TNC: variants seen among roughly 807,000 people sequenced by gnomAD.
TNC encodes the protein tenascin C, also known as tenascin.
In TNC, 109 loss-of-function variants were observed where a neutral mutation model predicts 202.4. The observed-to-expected ratio is 0.54, with a 90% CI of 0.46 to 0.63. The LOEUF (loss-of-function observed/expected upper bound fraction) is 0.63, where lower values mean the gene tolerates loss of function less well. Among genes scored for constraint, TNC ranks in the 30% least tolerant of loss-of-function variants. The pLI is 0.00. For synonymous variants in TNC, 1,007 were observed against 1,089.7 expected (o/e 0.92, Z 1.50); for missense variants, 2,756 against 2,833.3 (o/e 0.97, Z 0.62).
intron 1 of TNC, among the ~76,000 whole-genome samples, chr9:115,106,011 A>T (rs756744965): frequency 1.1e-4 from 16 of 152,150 alleles, no homozygotes; most frequent in Non-Finnish European, 2.4e-4. Flanking sequence ...GATAGAGAAC[A>T]AATCCTAGAC....
At chr9:115,024,325 G>A (rs561289450) in intron 26 of TNC, among the ~76,000 whole-genome samples, 189 bp from the exon 27 acceptor site, 4 of 152,146 alleles carry the variant, frequency 2.6e-5, no homozygotes, top group East Asian at 1.9e-4. Context: ...ACTTATTTCC[G>A]ACAGAAGCAG....
chr9:115,075,952 A>G (rs1407917254), intron 9 of TNC, 80 bp downstream of exon 9: 2 of 1,257,830 alleles, frequency 1.6e-6, no homozygotes, highest in East Asian at 2.3e-5. Context: ...TTTTCTCTTT[A>G]AATAGGTTTT....
In TNC at chr9:115,042,358, A is replaced by G. The variant is rs770847855; in HGVS notation, c.5126-17T>C. 22 of 1,613,260 alleles carry G rather than the reference A, an allele frequency of 1.4e-5. No homozygotes were observed. The highest frequency in any genetic ancestry group is 1.8e-5 in the Non-Finnish European group (21 of 1,179,716). On this transcript the variant is annotated splice_polypyrimidine_tract_variant and intron_variant, in intron 17 of 27. Coordinates refer to ENST00000350763, the MANE Select transcript of TNC (RefSeq NM_002160.4). The stretch of plus-strand genomic sequence containing the variant: ...AGCCCATGGCTGTCAAGAAGAAAGC[A>G]CAAGAGAAGCCCAGAAACAGTTAAC...
At chr9:115,103,022 T>G (rs1237384264) in intron 1 of TNC, among the ~76,000 whole-genome samples, 1 of 152,240 alleles carries the variant, frequency 6.6e-6, no homozygotes, top group Non-Finnish European at 1.5e-5. Flanking sequence ...TATCAAGGAA[T>G]TTGTCACAGC....
intron 15 of TNC, chr9:115,053,007 G>A (rs1414364162): frequency 1.4e-6 from 1 of 698,740 alleles, no homozygotes; most frequent in African/African-American, 1.7e-5. Flanking sequence ...CCCAACTGTG[G>A]CTTTGGTTCT....
intron 14 of TNC, among the ~76,000 whole-genome samples, chr9:115,057,848 C>T (rs1440904353): frequency 6.6e-6 from 1 of 152,210 alleles, no homozygotes; most frequent in African/African-American, 2.4e-5. Flanking sequence ...ACTTGGATGC[C>T]TTCCACAGAC....
rs1278959842 is a variant in TNC at position 115,076,254 on chromosome 9, C to T, written c.2861-133G>A. ...GAATGTTTTACAAAAGAACTCACTG[C>T]AATCCAATAAGCAGTATTTCAGGAA... is the stretch of plus-strand genomic sequence containing the variant. On this transcript the variant is annotated intron_variant, in intron 8 of 27. Transcript: ENST00000350763. 14 of 1,400,676 alleles carry T rather than the reference C, an allele frequency of 1.0e-5. No individual in the cohort carries two copies. In the Admixed American group the frequency reaches 2.1e-4, roughly 21 times the overall value. The allele number at this position is 1,400,676 out of a possible 1,614,324, so 86.8% of individuals were successfully genotyped here. A position where few individuals can be genotyped will look rare whatever the true frequency, so the allele number is the denominator to read the frequency against.
chr9:115,081,436 A>G (rs1196456036), intron 6 of TNC, among the ~76,000 whole-genome samples: 1 of 152,166 alleles, frequency 6.6e-6, no homozygotes, highest in Non-Finnish European at 1.5e-5. Flanking sequence ...AACCTGTTCA[A>G]TAGCTGTGTG....
At chr9:115,054,737 T>C (rs1831972104) in intron 15 of TNC, among the ~76,000 whole-genome samples, 1 of 152,200 alleles carries the variant, frequency 6.6e-6, no homozygotes, top group African/African-American at 2.4e-5. Context: ...AAATGACTCA[T>C]GGACATGCTA....
Position 115,064,809 on chromosome 9 carries a change from G to C in TNC, c.3325C>G (p.Gln1109Glu), listed in dbSNP as rs201996267. The C allele has an allele frequency of 2.5e-6, 4 of 1,614,160 alleles. No individual in the cohort carries two copies. The highest frequency in any genetic ancestry group is 3.4e-6 in the Non-Finnish European group (4 of 1,180,016). The stretch of plus-strand genomic sequence containing the variant: ...GCTGCCTCCACCTTGTTGGCCTCCT[G>C]CACCTGAATGATAAAGTGCTCATAG... ...QAYEHFIIQV[Q>E]EANKVEAARN... The change falls in exon 11 of 28, where the codon CAG becomes GAG. Residue 1109 changes from glutamine (Q) to glutamate (E), a missense_variant. By Grantham distance (29) the Gln-to-Glu change is conservative. Around this residue, in one of 2 missense-constraint regions of TNC, gnomAD observed 2,559 missense variants for 2,546.0 expected, o/e 1.01. Transcript: ENST00000350763.
intron 15 of TNC, among the ~76,000 whole-genome samples, chr9:115,056,017 A>T (rs1832089093): frequency 6.6e-6 from 1 of 152,072 alleles, no homozygotes; most frequent in South Asian, 2.1e-4. Flanking sequence ...TTATCCATGG[A>T]TCACCCTGAC....
rs753278846 is a variant in TNC, at chr9:115,090,930, C to T, written c.89G>A (p.Arg30Gln). The T allele has an allele frequency of 2.7e-5, 43 of 1,614,030 alleles. No homozygotes were observed. In the East Asian group the frequency reaches 5.3e-4, roughly 20 times the overall value. The change falls in exon 2 of 28, where the codon CGG (arginine) becomes CAG (glutamine). Residue 30 changes from arginine to glutamine, a missense_variant. This residue lies in a region of TNC where 2,559 missense variants were observed against 2,546.0 expected (regional missense o/e 1.01). Coordinates refer to ENST00000350763, the MANE Select transcript of TNC (RefSeq NM_002160.4). ...GTTCACCCCACTCTGTCGCTTGTGC[C>T]GGATGACTTTCTTGAGGACCCCACC... is the stretch of plus-strand genomic sequence containing the variant. ...TEGGVLKKVI[R>Q]HKRQSGVNAT...
chr9:115,071,265 A>G (rs191508903), intron 10 of TNC, among the ~76,000 whole-genome samples: 15 of 152,200 alleles, frequency 9.9e-5, no homozygotes, highest in Non-Finnish European at 2.1e-4. Context: ...GGAGAAAGGG[A>G]TGGGGGAAAT....
At chr9:115,115,723 G>A (rs748496076) in intron 1 of TNC, among the ~76,000 whole-genome samples, 4 of 152,148 alleles carry the variant, frequency 2.6e-5, no homozygotes, top group African/African-American at 9.7e-5. Context: ...GGGCAGAATG[G>A]CAACCAGAAT....
In TNC at chr9:115,041,313, GGA is replaced by G. The variant is rs1491322133; in HGVS notation, c.5249-231_5249-230del. Among the ~76,000 whole-genome samples the G allele has an allele frequency of 6.7e-4, 90 of 134,768 alleles. 1 individual carries two copies. Among genetic ancestry groups the G allele is most frequent in the Middle Eastern group, 3.5e-3 (1 of 282 alleles). 88.4% of individuals were successfully genotyped at this position (134,768 alleles called of 152,430 possible). On this transcript the variant is annotated intron_variant, in intron 18 of 27. Coordinates refer to ENST00000350763, the MANE Select transcript of TNC (RefSeq NM_002160.4). ...CAAAAACAAAGCCAGGAGGGGCGGG[GGA>G]AAACATGAAGTCACAACGTACTAAA...
chr9:115,095,548 ATATATATG>A (rs1835645683), intron 1 of TNC, among the ~76,000 whole-genome samples: 35 of 1,606 alleles, frequency 0.022, 2 homozygotes, highest in African/African-American at 0.05. Flanking sequence ...ATATATATGT[ATATATATG>A]TATATATATG....
At position 115,085,777 on chromosome 9, in the gene TNC, T is replaced by C; in HGVS notation, c.1867+87A>G. 2.5e-6 allele frequency: 3 copies of C among 1,221,962 alleles called. No homozygotes were observed. In the South Asian group the frequency reaches 4.6e-5, roughly 19 times the overall value. 75.7% of individuals were successfully genotyped at this position (1,221,962 alleles called of 1,614,324 possible). A position where few individuals can be genotyped will look rare whatever the true frequency, so the allele number is the denominator to read the frequency against. Reference sequence around the variant, plus strand: ...ACAAAGAATCAGTGTGCATGAATGTTTATATATATAAACGTAGTTTTCCAA... The same window carrying C: ...ACAAAGAATCAGTGTGCATGAATGTCTATATATATAAACGTAGTTTTCCAA... On this transcript the variant is annotated intron_variant, in intron 3 of 27. Transcript: ENST00000350763.
chr9:115,067,490 AT>A (rs767992984), intron 10 of TNC, among the ~76,000 whole-genome samples: 1 of 152,100 alleles, frequency 6.6e-6, no homozygotes, highest in Non-Finnish European at 1.5e-5. Flanking sequence ...ATTTTTTTCT[AT>A]AAAATAAATT....
intron 1 of TNC, among the ~76,000 whole-genome samples, chr9:115,096,937 G>T (rs1018011185): frequency 3.9e-5 from 6 of 152,080 alleles, no homozygotes; most frequent in African/African-American, 1.4e-4. Context: ...AACCACTCTG[G>T]CCAAGTCTAA....
Sources: allele counts gnomAD v4.1 joint callset (sites outside exome capture counted in the v4.1 genomes callset), GRCh38; gene constraint gnomAD v4.1.1; regional missense constraint gnomAD v4.1.1; transcripts MANE v1.5; gene names NCBI Gene and HGNC (gene_info 2026-07-23, HGNC 2026-07-21).